Variants in GPR34 observed in about 807,000 individuals in gnomAD.
GPR34 encodes the protein probable G protein-coupled receptor 34.
Under a neutral mutation model 14.1 loss-of-function variants are expected in GPR34, and 3 were observed. The ratio of observed to expected loss-of-function variants is 0.21; its 90% CI spans 0.10 to 0.55. The LOEUF (loss-of-function observed/expected upper bound fraction) is 0.55. Ranked by LOEUF, GPR34 falls within the 20% of genes least tolerant of loss-of-function variation. GPR34 has a pLI of 0.94. For missense variants in GPR34, 213 were observed against 292.8 expected (o/e 0.73, Z 1.99); for synonymous variants, 99 against 99.9 (o/e 0.99, Z 0.05).
chrX:41,696,866 C>A lies in GPR34; in HGVS notation c.*87C>A. The A allele has an allele frequency of 1.7e-6, 1 of 573,046 alleles. No individual in the cohort carries two copies. The allele number at this position is 573,046 out of a possible 1,213,427, so 47.2% of individuals were successfully genotyped here. The stretch of plus-strand genomic sequence containing the variant: ...TTAGGAAACAAAGTTCTAGCATTTA[C>A]AAAACTCAGATCTCAAAGCTCTGCT... On this transcript the variant is annotated 3_prime_UTR_variant, in exon 3 of 3. Transcript: ENST00000378142.
intron 2 of GPR34, among the ~76,000 whole-genome samples, chrX:41,693,550 G>T (rs968572032): frequency 1.8e-5 from 2 of 111,681 alleles, no homozygotes; most frequent in Non-Finnish European, 3.8e-5. Flanking sequence ...GGGGGCGGAG[G>T]TTGCAGTGAG....
chrX:41,693,189 C>A (rs1012583913), intron 2 of GPR34, among the ~76,000 whole-genome samples: 3 of 111,284 alleles, frequency 2.7e-5, no homozygotes, highest in African/African-American at 9.8e-5. Context: ...ATGAGAGCTC[C>A]CTACATAACC....
rs761720270 is a variant in GPR34 at position 41,695,883 on chromosome X, C to T, written c.250C>T (p.Arg84Cys). The change falls in exon 3 of 3, where the codon CGT becomes TGT. Residue 84 changes from arginine to cysteine, a missense_variant. Physicochemically the swap from Arg to Cys is radical, Grantham distance 180 (BLOSUM62 -3). Coordinates refer to ENST00000378142, the MANE Select transcript of GPR34 (RefSeq NM_001097579.2). ...CCTCTATGTATTTCTGGGTATTCAC[C>T]GTAAAAGAAATTCCATTCAAATTTA... is the stretch of plus-strand genomic sequence containing the variant. The part of the protein sequence containing the change: ...IALYVFLGIH[R>C]KRNSIQIYLL... 4.1e-6 allele frequency: 5 copies of T among 1,206,519 alleles called. No individual in the cohort carries two copies. The highest frequency in any genetic ancestry group is 5.6e-6 in the Non-Finnish European group (5 of 892,299).
At chrX:41,691,678 G>A (rs1046528028) in intron 2 of GPR34, among the ~76,000 whole-genome samples, 1 of 108,113 alleles carries the variant, frequency 9.2e-6, no homozygotes. Context: ...CCAACATAGT[G>A]AAACTCCGTC....
rs2067563781 is a variant in GPR34 at position 41,691,667 on chromosome X, G to A, written c.-80+1832G>A. The stretch of plus-strand genomic sequence containing the variant: ...AGGTCAGGAGTTCAAGACCAGCCTG[G>A]CCAACATAGTGAAACTCCGTCTCTA... On this transcript the variant is annotated intron_variant, in intron 2 of 2. Transcript: ENST00000378142. 2.8e-5 allele frequency among the ~76,000 whole-genome samples: 3 copies of A among 108,052 alleles called. No individual in the cohort carries two copies. The Admixed American group carries it at 3.0e-4, about 11-fold the overall frequency. 93.8% of individuals were successfully genotyped at this position (108,052 alleles called of 115,157 possible). A position where few individuals can be genotyped will look rare whatever the true frequency, so the allele number is the denominator to read the frequency against.
chrX:41,690,605 C>A lies in GPR34; in HGVS notation c.-80+770C>A, dbSNP rs753649113. Among the ~76,000 whole-genome samples, 3 of 107,696 alleles carry A rather than the reference C, an allele frequency of 2.8e-5. No homozygotes were observed. In the South Asian group the frequency reaches 1.2e-3, roughly 45 times the overall value. The allele number at this position is 107,696 out of a possible 115,157, so 93.5% of individuals were successfully genotyped here. Reference sequence around the variant, plus strand: ...CGAATTCCTGGACTCCAGTGATTTGCCTGCCTCGGCCTCCCAAAGTGCTGG... The same window carrying A: ...CGAATTCCTGGACTCCAGTGATTTGACTGCCTCGGCCTCCCAAAGTGCTGG... On this transcript the variant is annotated intron_variant, in intron 2 of 2. Transcript: ENST00000378142.
At chrX:41,695,442 A>G (rs903861724) in intron 2 of GPR34, 113 bp from the exon 3 acceptor site, 88 of 384,844 alleles carry the variant, frequency 2.3e-4, no homozygotes, top group African/African-American at 2.1e-3. Flanking sequence ...TAGCCTCCCG[A>G]GTAGCTAGGA....
At chrX:41,692,528 A>G (rs1437905976) in intron 2 of GPR34, among the ~76,000 whole-genome samples, 1 of 112,810 alleles carries the variant, frequency 8.9e-6, no homozygotes, top group African/African-American at 3.2e-5. Flanking sequence ...TGTCTCTGCA[A>G]TTTCTATCAT....
intron 1 of GPR34, 58 bp from the exon 2 acceptor site, chrX:41,689,685 C>G (rs1402219508): frequency 9.0e-6 from 1 of 111,396 alleles, no homozygotes; most frequent in East Asian, 2.8e-4. Flanking sequence ...AAACCTAACA[C>G]ACTATTAATA....
rs775363462 is a variant in GPR34 at position 41,690,513 on chromosome X, A to AT, written c.-80+695dup. On this transcript the variant is annotated intron_variant, in intron 2 of 2. Transcript: ENST00000378142. ...AGGTGCGTGCCACCACGCCCTGCTAATTTTTTTTTTTTTTTTTGGTATTTT... is the reference window on the plus strand; with the variant it reads ...AGGTGCGTGCCACCACGCCCTGCTAATTTTTTTTTTTTTTTTTTGGTATTTT... Among the ~76,000 whole-genome samples, 441 of 91,607 alleles carry AT rather than the reference A, an allele frequency of 4.8e-3. 3 individuals carry two copies. The highest frequency in any genetic ancestry group is 0.013 in the African/African-American group (316 of 24,971). 79.5% of individuals were successfully genotyped at this position (91,607 alleles called of 115,157 possible).
Position 41,696,131 on chromosome X carries a change from A to G in GPR34, c.498A>G (p.Ile166Met). 8.3e-7 allele frequency: 1 copy of G among 1,207,163 alleles called. No individual in the cohort carries two copies. The highest frequency in any genetic ancestry group is 1.8e-5 in the South Asian group (1 of 56,547). Residue 166 changes from isoleucine (I) to methionine (M), a missense_variant, in exon 3 of 3, where the codon ATA (isoleucine) becomes ATG (methionine). Coordinates refer to ENST00000378142, the MANE Select transcript of GPR34 (RefSeq NM_001097579.2). ...GGTCTATACAGCAACGGAAGGCAAT[A>G]ACAACCAAACAAAGTATTTATGTCT... ...INRSIQQRKA[I>M]TTKQSIYVCC...
chrX:41,689,233 G>A (rs773520702), intron 1 of GPR34, 149 bp downstream of exon 1: 1 of 111,846 alleles, frequency 8.9e-6, no homozygotes, highest in South Asian at 3.7e-4. Flanking sequence ...TGAGTAAATT[G>A]CTTGAATGAC....
chrX:41,693,961 C>T (rs1047254487), intron 2 of GPR34, among the ~76,000 whole-genome samples: 2 of 110,780 alleles, frequency 1.8e-5, no homozygotes, highest in Non-Finnish European at 3.8e-5. Flanking sequence ...GGCTATTTTT[C>T]TCTGTGTATA....
chrX:41,693,638 C>G (rs1171153215), intron 2 of GPR34, among the ~76,000 whole-genome samples: 1 of 111,336 alleles, frequency 9.0e-6, no homozygotes, highest in Non-Finnish European at 1.9e-5. Flanking sequence ...AACAAACAAA[C>G]AAACAAAAAC....
In GPR34 at chrX:41,697,047, A is replaced by T. The variant is rs2067703336; in HGVS notation, c.*268A>T. 4.1e-6 allele frequency: 1 copy of T among 242,168 alleles called. No homozygotes were observed. Among genetic ancestry groups the T allele is most frequent in the Non-Finnish European group, 7.8e-6 (1 of 128,795 alleles). 20.0% of individuals were successfully genotyped at this position (242,168 alleles called of 1,213,427 possible). A position where few individuals can be genotyped will look rare whatever the true frequency, so the allele number is the denominator to read the frequency against. The stretch of plus-strand genomic sequence containing the variant: ...AATTTATGGCTCTAACAGCAAAATA[A>T]TTAAAGTGCCATAGTTTCTCAAGTG... On this transcript the variant is annotated 3_prime_UTR_variant, in exon 3 of 3. Transcript: ENST00000378142.
chrX:41,691,822 C>G (rs1044287125), intron 2 of GPR34, among the ~76,000 whole-genome samples: 6 of 70,086 alleles, frequency 8.6e-5, no homozygotes, highest in African/African-American at 3.7e-4. Context: ...GCCTGGGTGA[C>G]AGAGTGAGAC....
chrX:41,695,479 C>G (rs2067668252), intron 2 of GPR34, 76 bp from the exon 3 acceptor site: 1 of 446,376 alleles, frequency 2.2e-6, no homozygotes, highest in Admixed American at 4.1e-5. Flanking sequence ...GGAAGCCCAG[C>G]CTATTATTTA....
intron 2 of GPR34, among the ~76,000 whole-genome samples, chrX:41,692,163 A>G (rs145811910): frequency 2.7e-5 from 3 of 112,464 alleles, no homozygotes; most frequent in African/African-American, 9.7e-5. Context: ...AGTGTCTGGT[A>G]CACAGAAAGT....
Position 41,695,720 on chromosome X carries a change from T to C in GPR34, c.87T>C (p.His29=). 2.5e-6 allele frequency: 3 copies of C among 1,206,430 alleles called. No individual in the cohort carries two copies. The highest frequency in any genetic ancestry group is 3.4e-6 in the Non-Finnish European group (3 of 890,958). Residue 29 remains histidine, a synonymous_variant, in exon 3 of 3, where the codon CAT becomes CAC. Coordinates refer to ENST00000378142, the MANE Select transcript of GPR34 (RefSeq NM_001097579.2). ...ACAGAATGCGCTTTATAACCAATCA[T>C]AGCGACCAACCGCCACAAAACTTCT... ...SSHRMRFITN[H]SDQPPQNFSA... is the part of the protein sequence containing the mutation.
Sources: gnomAD v4.1 joint callset for allele counts (sites outside exome capture counted in the v4.1 genomes callset) on GRCh38, gnomAD v4.1.1 for gene constraint, MANE v1.5 for transcripts, NCBI Gene and HGNC (gene_info 2026-07-23, HGNC 2026-07-21) for gene names.